SPTLC1: variants seen among roughly 807,000 people sequenced by gnomAD.
The protein encoded by SPTLC1 is serine palmitoyltransferase 1.
Under a neutral mutation model 68.9 loss-of-function variants are expected in SPTLC1, and 55 were observed. The observed-to-expected ratio is 0.80, with a 90% CI of 0.64 to 1.00. SPTLC1 has a LOEUF of 1.00. SPTLC1 is among the 50% of genes least tolerant of loss of function. The probability of loss-of-function intolerance (pLI) is 0.00; values close to 1 mark genes in which losing one functional copy is unlikely to be tolerated. For missense variants in SPTLC1, 449 were observed against 573.1 expected, an observed-to-expected ratio of 0.78 and a Z score of 2.21; for synonymous variants, 197 against 201.6, an observed-to-expected ratio of 0.98 and a Z score of 0.19.
intron 5 of SPTLC1, among the ~76,000 whole-genome samples, chr9:92,078,817 G>A (rs889782417): frequency 1.3e-5 from 2 of 152,030 alleles, no homozygotes; most frequent in Non-Finnish European, 2.9e-5. Context: ...TAGGATTCCT[G>A]GACACTACTT....
intron 1 of SPTLC1, chr9:92,115,088 A>C: frequency 1.7e-6 from 1 of 591,802 alleles, no homozygotes. Flanking sequence ...CCCGGAGCAT[A>C]AGAATTCAAA....
intron 2 of SPTLC1, 178 bp from the exon 3 acceptor site, chr9:92,109,012 A>G (rs973192539): frequency 2.5e-5 from 23 of 928,548 alleles, no homozygotes; most frequent in Middle Eastern, 3.8e-4. Context: ...CATAATACAT[A>G]ATGACCCACC....
At chr9:92,061,497 C>T (rs1834099129) in intron 6 of SPTLC1, among the ~76,000 whole-genome samples, 1 of 151,964 alleles carries the variant, frequency 6.6e-6, no homozygotes, top group East Asian at 1.9e-4. Context: ...AAGAAATGGC[C>T]AAAGGAAGCC....
At chr9:92,110,242 A>T (rs1482261359) in intron 2 of SPTLC1, 1 of 152,342 alleles carries the variant, frequency 6.6e-6, no homozygotes, top group East Asian at 1.9e-4. Context: ...TTTGACTTGC[A>T]TAACTTAATA....
intron 3 of SPTLC1, chr9:92,105,318 G>A: frequency 6.5e-7 from 1 of 1,529,044 alleles, no homozygotes; most frequent in Non-Finnish European, 8.8e-7. Context: ...CAAAGAGAAG[G>A]ACGCCTCCAG....
At chr9:92,034,483 G>A (rs577978402) in intron 14 of SPTLC1, among the ~76,000 whole-genome samples, 17 of 152,184 alleles carry the variant, frequency 1.1e-4, no homozygotes, top group South Asian at 8.3e-4. Flanking sequence ...CGGTCCTTGT[G>A]GCAGGAACTC....
intron 5 of SPTLC1, among the ~76,000 whole-genome samples, chr9:92,075,024 G>A (rs761387280): frequency 1.5e-4 from 23 of 152,064 alleles, no homozygotes; most frequent in Middle Eastern, 3.4e-3. Context: ...GCCCTCTCCC[G>A]TGACCTGCTT....
chr9:92,082,989 A>C (rs908078389), intron 3 of SPTLC1, among the ~76,000 whole-genome samples: 32 of 152,302 alleles, frequency 2.1e-4, no homozygotes, highest in African/African-American at 7.7e-4. Context: ...TCTCATGGCC[A>C]GTGATGGTGA....
At position 92,079,330 on chromosome 9, in the gene SPTLC1, C is replaced by A. The variant is rs1834795238; in HGVS notation, c.427+686G>T. ...ACCTCAGGTGATCTGCCTGCCTCAG[C>A]CTTTGAAAGTGCTGGGATTACAGGC... On this transcript the variant is annotated intron_variant, in intron 5 of 14. Transcript: ENST00000262554. 9 of 1,302,036 alleles carry A rather than the reference C, an allele frequency of 6.9e-6. No individual in the cohort carries two copies. In the South Asian group the frequency reaches 1.1e-4, roughly 16 times the overall value. The allele number at this position is 1,302,036 out of a possible 1,614,324, so 80.7% of individuals were successfully genotyped here.
At chr9:92,079,651 C>G in intron 5 of SPTLC1, 1 of 1,255,666 alleles carries the variant, frequency 8.0e-7, no homozygotes, top group Non-Finnish European at 1.2e-6. Flanking sequence ...AGAGCTGTTT[C>G]TCAGCCCCCT....
At chr9:92,089,713 C>G (rs1835287155) in intron 3 of SPTLC1, among the ~76,000 whole-genome samples, 1 of 152,132 alleles carries the variant, frequency 6.6e-6, no homozygotes, top group South Asian at 2.1e-4. Context: ...AAAAAATTCC[C>G]AGAATTCATG....
chr9:92,104,221 T>C (rs1018869731), intron 3 of SPTLC1, among the ~76,000 whole-genome samples: 3 of 152,172 alleles, frequency 2.0e-5, no homozygotes, highest in Non-Finnish European at 4.4e-5. Context: ...ACTAAGCATA[T>C]TTTGTTCCTG....
intron 3 of SPTLC1, among the ~76,000 whole-genome samples, chr9:92,095,979 C>T (rs1033859440): frequency 1.3e-5 from 2 of 152,182 alleles, no homozygotes; most frequent in African/African-American, 4.8e-5. Flanking sequence ...GAAGTGCTCT[C>T]TGGAGAGGCT....
chr9:92,034,921 T>G (rs754283970), intron 13 of SPTLC1, 38 bp from the exon 14 acceptor site: 7 of 1,535,790 alleles, frequency 4.6e-6, no homozygotes, highest in Non-Finnish European at 6.3e-6. Context: ...AACCTGGACT[T>G]CAGACATGGT....
At chr9:92,095,992 G>A (rs1274906663) in intron 3 of SPTLC1, among the ~76,000 whole-genome samples, 1 of 152,194 alleles carries the variant, frequency 6.6e-6, no homozygotes, top group East Asian at 1.9e-4. Context: ...GAGAGGCTGT[G>A]TATAAACTGG....
rs556625374 is a variant in SPTLC1 at position 92,035,017 on chromosome 9, A to C, written c.1255-134T>G. 27 of 789,154 alleles carry C rather than the reference A, an allele frequency of 3.4e-5. No individual in the cohort carries two copies. In the South Asian group the frequency reaches 3.6e-4, roughly 10 times the overall value. 48.9% of individuals were successfully genotyped at this position (789,154 alleles called of 1,614,324 possible). Reference sequence around the variant, plus strand: ...TTATAATTGCTAGAAGATATCACCAAAATACTACACCACCACCTTGGCAGC... The same window carrying C: ...TTATAATTGCTAGAAGATATCACCACAATACTACACCACCACCTTGGCAGC... On this transcript the variant is annotated intron_variant, in intron 13 of 14. Coordinates refer to ENST00000262554, the MANE Select transcript of SPTLC1 (RefSeq NM_006415.4).
intron 8 of SPTLC1, among the ~76,000 whole-genome samples, chr9:92,054,903 T>C (rs1833830367): frequency 6.6e-6 from 1 of 151,118 alleles, no homozygotes; most frequent in South Asian, 2.1e-4. Flanking sequence ...AGGGCAAGAC[T>C]GTCTTGCGGG....
chr9:92,097,344 G>A (rs74478516), intron 3 of SPTLC1, among the ~76,000 whole-genome samples: 7,628 of 152,094 alleles, frequency 0.05, 260 homozygotes, highest in Middle Eastern at 0.065. Flanking sequence ...AAAACATTAT[G>A]CCCATGCAAA....
chr9:92,078,115 C>A (rs1469829384), intron 5 of SPTLC1, among the ~76,000 whole-genome samples: 1 of 152,104 alleles, frequency 6.6e-6, no homozygotes, highest in Non-Finnish European at 1.5e-5. Context: ...ATGATCCCCA[C>A]CTTTACCCTC....
Sources: allele counts gnomAD v4.1 joint callset (sites outside exome capture counted in the v4.1 genomes callset), GRCh38; gene constraint gnomAD v4.1.1; transcripts MANE v1.5; gene names NCBI Gene and HGNC (gene_info 2026-07-23, HGNC 2026-07-21).